Variants in ITGAV observed in about 807,000 individuals in gnomAD.
ITGAV encodes integrin subunit alpha V.
A neutral mutation model predicts 143.8 loss-of-function variants in ITGAV; 76 were observed. That is an observed-to-expected ratio of 0.53 (90% confidence interval 0.44 to 0.64). The LOEUF (loss-of-function observed/expected upper bound fraction) is 0.64, where lower values mean the gene tolerates loss of function less well. Among genes scored for constraint, ITGAV ranks in the 30% least tolerant of loss-of-function variants. The probability of loss-of-function intolerance (pLI) is 0.00; values close to 1 mark genes in which losing one functional copy is unlikely to be tolerated. For synonymous variants in ITGAV, 453 were observed against 446.7 expected, an observed-to-expected ratio of 1.01 and a Z score of -0.18; for missense variants, 1,193 against 1,274.7, an observed-to-expected ratio of 0.94 and a Z score of 0.98.
At position 186,638,292 on chromosome 2, in the gene ITGAV, T is replaced by G; in HGVS notation, c.818T>G (p.Val273Gly). ...TTTGTTTCAGACTTTGTTTCAGGAG[T>G]TCCAAGAGCAGCAAGGACTTTGGGA... ...GDGIDDFVSG[V>G]PRAARTLGMV... Residue 273 changes from valine to glycine, a missense_variant, in exon 9 of 30, where the codon GTT becomes GGT. Physicochemically the swap from Val to Gly is moderately radical, Grantham distance 109. Coordinates refer to ENST00000261023, the MANE Select transcript of ITGAV (RefSeq NM_002210.5). The G allele has an allele frequency of 6.2e-7, 1 of 1,613,870 alleles. No individual in the cohort carries two copies. Among genetic ancestry groups the G allele is most frequent in the South Asian group, 1.1e-5 (1 of 91,054 alleles).
chr2:186,640,560 C>T (rs916034399), intron 10 of ITGAV, among the ~76,000 whole-genome samples: 4 of 152,072 alleles, frequency 2.6e-5, no homozygotes, highest in Admixed American at 6.5e-5. Context: ...TGTTAGTGTG[C>T]TTGTGTCTGG....
intron 17 of ITGAV, among the ~76,000 whole-genome samples, chr2:186,658,787 G>T (rs193096896): frequency 1.3e-5 from 2 of 152,210 alleles, no homozygotes; most frequent in Admixed American, 6.5e-5. Flanking sequence ...TGCTCATGTT[G>T]TTAACATGTC....
In ITGAV at chr2:186,675,860, C is replaced by T; in HGVS notation, c.2861C>T (p.Ala954Val). 1 of 1,609,388 alleles carries T rather than the reference C, an allele frequency of 6.2e-7. No individual in the cohort carries two copies. The highest frequency in any genetic ancestry group is 1.1e-5 in the South Asian group (1 of 90,288). Residue 954 changes from alanine (A) to valine (V), a missense_variant, in exon 28 of 30, where the codon GCT (alanine) becomes GTT (valine). Transcript: ENST00000261023. ...CATTCCTATTCTCTGAAGTCGTCTG[C>T]TTCATTTAATGTCATAGAGTTTCCT... The part of the protein sequence containing the change: ...QNHSYSLKSS[A>V]SFNVIEFPYK...
chr2:186,632,047 A>T (rs550587868), intron 5 of ITGAV, among the ~76,000 whole-genome samples: 2 of 152,010 alleles, frequency 1.3e-5, no homozygotes, highest in Non-Finnish European at 2.9e-5. Flanking sequence ...TAAAAATTTT[A>T]TTTTATCTGT....
At chr2:186,639,073 T>C (rs1439041831) in intron 10 of ITGAV, among the ~76,000 whole-genome samples, 1 of 152,134 alleles carries the variant, frequency 6.6e-6, no homozygotes, top group Non-Finnish European at 1.5e-5. Context: ...ATATGTGTAT[T>C]ATAGATATTA....
At chr2:186,665,399 T>C (rs78475056) in intron 21 of ITGAV, among the ~76,000 whole-genome samples, 181 bp downstream of exon 21, 1 of 152,228 alleles carries the variant, frequency 6.6e-6, no homozygotes, top group Non-Finnish European at 1.5e-5. Flanking sequence ...CGAAAACAAT[T>C]GGTTGTGCTC....
At position 186,610,231 on chromosome 2, in the gene ITGAV, G is replaced by A. The variant is rs541956582; in HGVS notation, c.316+8080G>A. Among the ~76,000 whole-genome samples, 3 of 152,156 alleles carry A rather than the reference G, an allele frequency of 2.0e-5. No homozygotes were observed. The South Asian group carries it at 6.2e-4, about 32-fold the overall frequency. On this transcript the variant is annotated intron_variant, in intron 2 of 29. Coordinates refer to ENST00000261023, the MANE Select transcript of ITGAV (RefSeq NM_002210.5). ...TGATACAAAGTTTAATTTAGTAGAAGGTACAATCCAGGATAGAAAAGTTAC... is the reference window on the plus strand; with the variant it reads ...TGATACAAAGTTTAATTTAGTAGAAAGTACAATCCAGGATAGAAAAGTTAC...
intron 1 of ITGAV, among the ~76,000 whole-genome samples, chr2:186,595,671 G>A (rs1686731003): frequency 7.5e-6 from 1 of 133,504 alleles, no homozygotes; most frequent in Non-Finnish European, 1.6e-5. Flanking sequence ...TTATTTAATG[G>A]CAGTGTTTCC....
intron 24 of ITGAV, among the ~76,000 whole-genome samples, chr2:186,668,217 T>TATA (rs71017335): frequency 3.7e-4 from 3 of 8,202 alleles, no homozygotes; most frequent in East Asian, 5.4e-3. Flanking sequence ...TATATATATA[T>TATA]TTTTTTTTTT....
chr2:186,669,612 T>A, intron 25 of ITGAV, 89 bp from the exon 26 acceptor site: 1 of 837,658 alleles, frequency 1.2e-6, no homozygotes, highest in Non-Finnish European at 1.9e-6. Context: ...CACTATTTTT[T>A]AATCATATCT....
At chr2:186,670,074 C>G (rs1171133069) in intron 26 of ITGAV, 3 of 400,484 alleles carry the variant, frequency 7.5e-6, no homozygotes, top group Non-Finnish European at 1.4e-5. Context: ...TTTAACTGTC[C>G]TCTTTCTGGG....
chr2:186,607,413 A>C (rs899367905), intron 2 of ITGAV, among the ~76,000 whole-genome samples: 2 of 152,268 alleles, frequency 1.3e-5, no homozygotes, highest in Non-Finnish European at 2.9e-5. Context: ...ATAAAACATA[A>C]GGAGAATTGT....
intron 1 of ITGAV, chr2:186,600,298 T>TC (rs1331316684): frequency 1.3e-6 from 2 of 1,528,532 alleles, no homozygotes; most frequent in Admixed American, 2.0e-5. Flanking sequence ...ACTTCCCTCA[T>TC]CCCCACCCCC....
intron 26 of ITGAV, among the ~76,000 whole-genome samples, chr2:186,673,937 C>A (rs115786254): frequency 0.016 from 2,454 of 152,168 alleles, 40 homozygotes; most frequent in Non-Finnish European, 0.025. Context: ...CCCGAAAGTT[C>A]TAGAATTACA....
At chr2:186,671,125 A>G (rs1689049720) in intron 26 of ITGAV, among the ~76,000 whole-genome samples, 1 of 152,100 alleles carries the variant, frequency 6.6e-6, no homozygotes, top group African/African-American at 2.4e-5. Flanking sequence ...GACTATTGCC[A>G]GACCCCTGGT....
At chr2:186,667,381 A>G (rs1688929860) in intron 23 of ITGAV, 151 bp downstream of exon 23, 1 of 615,452 alleles carries the variant, frequency 1.6e-6, no homozygotes, top group East Asian at 2.8e-5. Context: ...AATCCTAGGT[A>G]TGTTCCAAAC....
chr2:186,637,456 G>A (rs530063634), intron 8 of ITGAV, among the ~76,000 whole-genome samples: 98 of 149,146 alleles, frequency 6.6e-4, no homozygotes, highest in Middle Eastern at 3.5e-3. Flanking sequence ...ACTCCCGCCC[G>A]GGCGACAGAG....
Position 186,656,386 on chromosome 2 carries a change from G to A in ITGAV, c.1704G>A (p.Leu568=). ...GGGGACTGATGCAGTGTGAGGAATTGATAGCGTATCTGCGGGTAAGAGCTA... is the reference window on the plus strand; with the variant it reads ...GGGGACTGATGCAGTGTGAGGAATTAATAGCGTATCTGCGGGTAAGAGCTA... ...SRGGLMQCEE[L]IAYLRDESEF... is the part of the protein sequence containing the mutation. The change falls in exon 17 of 30, where the codon TTG becomes TTA. Residue 568 remains leucine, a synonymous_variant. Transcript: ENST00000261023. 6.6e-7 allele frequency: 1 copy of A among 1,504,930 alleles called. No homozygotes were observed. The highest frequency in any genetic ancestry group is 2.7e-5 in the East Asian group (1 of 37,418). The allele number at this position is 1,504,930 out of a possible 1,614,324, so 93.2% of individuals were successfully genotyped here. A position where few individuals can be genotyped will look rare whatever the true frequency, so the allele number is the denominator to read the frequency against.
intron 4 of ITGAV, among the ~76,000 whole-genome samples, 166 bp from the exon 5 acceptor site, chr2:186,630,631 C>T (rs1176457441): frequency 1.3e-5 from 2 of 152,050 alleles, no homozygotes; most frequent in African/African-American, 4.8e-5. Flanking sequence ...TGCTGATAAA[C>T]ATGCATACTC....
Sources: gnomAD v4.1 joint callset for allele counts (sites outside exome capture counted in the v4.1 genomes callset) on GRCh38, gnomAD v4.1.1 for gene constraint, MANE v1.5 for transcripts, NCBI Gene and HGNC (gene_info 2026-07-23, HGNC 2026-07-21) for gene names.